The following KCNH8 variants were observed in gnomAD, a reference collection of about 807,000 sequenced individuals.
KCNH8 encodes the protein potassium voltage-gated channel subfamily H member 8, also known as voltage-gated delayed rectifier potassium channel KCNH8.
In KCNH8, 70 loss-of-function variants were observed where a neutral mutation model predicts 103.6. That is an observed-to-expected ratio of 0.68 (90% CI 0.56 to 0.82). KCNH8 has a LOEUF of 0.82. KCNH8 is among the 40% of genes least tolerant of loss of function. The pLI is 0.00. For missense variants in KCNH8, 1,217 were observed against 1,329.9 expected, an observed-to-expected ratio of 0.92 and a Z score of 1.32; for synonymous variants, 498 against 489.4, an observed-to-expected ratio of 1.02 and a Z score of -0.23.
chr3:19,372,526 GT>G, intron 5 of KCNH8, among the ~76,000 whole-genome samples: 2 of 152,198 alleles, frequency 1.3e-5, no homozygotes, highest in Middle Eastern at 6.8e-3. Context: ...AGACAATGGG[GT>G]TTTCTAGAAT....
At chr3:19,448,788 G>A (rs1461269592) in intron 8 of KCNH8, 1 of 234,480 alleles carries the variant, frequency 4.3e-6, no homozygotes, top group African/African-American at 2.3e-5. Context: ...TACTGAAACA[G>A]ATGATTTTAC....
At chr3:19,212,665 C>T (rs188342358) in intron 1 of KCNH8, among the ~76,000 whole-genome samples, 3 of 152,280 alleles carry the variant, frequency 2.0e-5, no homozygotes, top group South Asian at 2.1e-4. Context: ...TACAGAAGTA[C>T]AGCTGCACCA....
chr3:19,295,946 A>C (rs2064991994), intron 3 of KCNH8, among the ~76,000 whole-genome samples: 1 of 152,164 alleles, frequency 6.6e-6, no homozygotes, highest in South Asian at 2.1e-4. Context: ...CCCATGCTTC[A>C]GTAAAAATAA....
chr3:19,189,614 C>A (rs1049330025), intron 1 of KCNH8, among the ~76,000 whole-genome samples: 1 of 151,706 alleles, frequency 6.6e-6, no homozygotes, highest in African/African-American at 2.4e-5. Flanking sequence ...TATTTAGTAA[C>A]CAAAATTTAG....
chr3:19,484,502 T>C (rs2068162428), intron 11 of KCNH8, among the ~76,000 whole-genome samples: 1 of 152,224 alleles, frequency 6.6e-6, no homozygotes, highest in Non-Finnish European at 1.5e-5. Context: ...AGCTTCTGGA[T>C]GTGACTGGAG....
intron 8 of KCNH8, 23 bp downstream of exon 8, chr3:19,438,384 A>G (rs1336921468): frequency 8.9e-6 from 14 of 1,580,040 alleles, no homozygotes; most frequent in Non-Finnish European, 1.2e-5. Flanking sequence ...CTTCTTTTAT[A>G]CTAAGAAGAG....
chr3:19,498,310 G>C (rs745495286), intron 11 of KCNH8, among the ~76,000 whole-genome samples: 16 of 152,092 alleles, frequency 1.1e-4, no homozygotes, highest in East Asian at 1.9e-4. Flanking sequence ...AGATTTCTTT[G>C]TATGGCTGCT....
At chr3:19,498,020 T>A (rs1420723953) in intron 11 of KCNH8, among the ~76,000 whole-genome samples, 1 of 152,218 alleles carries the variant, frequency 6.6e-6, no homozygotes, top group Non-Finnish European at 1.5e-5. Context: ...TTGGTCTTTG[T>A]TGGTTTAAAG....
intron 1 of KCNH8, among the ~76,000 whole-genome samples, chr3:19,156,662 T>C (rs931371644): frequency 7.9e-5 from 12 of 152,186 alleles, no homozygotes; most frequent in African/African-American, 2.4e-4. Flanking sequence ...GAGATTTTTC[T>C]GTTTAGAATT....
chr3:19,193,726 A>G (rs1195860470), intron 1 of KCNH8, among the ~76,000 whole-genome samples: 1 of 151,734 alleles, frequency 6.6e-6, no homozygotes, highest in African/African-American at 2.4e-5. Flanking sequence ...TAAATTGGAG[A>G]TAACTATATT....
At chr3:19,184,021 G>T (rs1402900499) in intron 1 of KCNH8, among the ~76,000 whole-genome samples, 2 of 152,046 alleles carry the variant, frequency 1.3e-5, no homozygotes. Context: ...AGAGCAATTT[G>T]TCAAGTTACA....
intron 15 of KCNH8, among the ~76,000 whole-genome samples, chr3:19,527,654 CAGAAAT>C (rs1483405081): frequency 6.6e-6 from 1 of 152,072 alleles, no homozygotes; most frequent in Non-Finnish European, 1.5e-5. Context: ...CTGGATACAG[CAGAAAT>C]AGAAAAGCTG....
At chr3:19,496,104 C>A (rs2068435551) in intron 11 of KCNH8, among the ~76,000 whole-genome samples, 1 of 152,118 alleles carries the variant, frequency 6.6e-6, no homozygotes, top group Non-Finnish European at 1.5e-5. Context: ...TGGGCAGAGA[C>A]TATGGGGTTT....
intron 15 of KCNH8, among the ~76,000 whole-genome samples, chr3:19,519,838 T>A (rs1307950489): frequency 1.5e-4 from 23 of 152,040 alleles, no homozygotes; most frequent in Middle Eastern, 3.4e-3. Context: ...TTAATAATTT[T>A]AAAAACTGAC....
rs572574542 is a variant in KCNH8 at position 19,336,614 on chromosome 3, C to T, written c.443-5973C>T. Among the ~76,000 whole-genome samples, 5 of 151,906 alleles carry T rather than the reference C, an allele frequency of 3.3e-5. No homozygotes were observed. In the East Asian group the frequency reaches 7.7e-4, roughly 23 times the overall value. ...CTATAATTTTATTTATTTTTTGCCA[C>T]CACAGCTATCAATTTCTGAGACAGA... On this transcript the variant is annotated intron_variant, in intron 3 of 15. Transcript: ENST00000328405.
chr3:19,247,277 G>A (rs1290893687), intron 1 of KCNH8, among the ~76,000 whole-genome samples: 4 of 152,128 alleles, frequency 2.6e-5, no homozygotes, highest in African/African-American at 9.7e-5. Context: ...TTAGCTTGGA[G>A]CCAGTACTAT....
At chr3:19,419,811 G>GA (rs2066924228) in intron 7 of KCNH8, among the ~76,000 whole-genome samples, 1 of 151,890 alleles carries the variant, frequency 6.6e-6, no homozygotes, top group African/African-American at 2.4e-5. Flanking sequence ...AGAAGGTTCA[G>GA]TCAATTGAAG....
At chr3:19,429,585 T>A (rs1037594588) in intron 7 of KCNH8, among the ~76,000 whole-genome samples, 1 of 152,200 alleles carries the variant, frequency 6.6e-6, no homozygotes, top group Non-Finnish European at 1.5e-5. Context: ...TTCTTTTTTT[T>A]AACTTTTAAG....
intron 11 of KCNH8, among the ~76,000 whole-genome samples, chr3:19,502,504 A>C (rs947533151): frequency 6.6e-6 from 1 of 152,168 alleles, no homozygotes; most frequent in African/African-American, 2.4e-5. Flanking sequence ...GAGGCATCAC[A>C]CTACCTGACT....
Sources: allele counts gnomAD v4.1 joint callset (sites outside exome capture counted in the v4.1 genomes callset), GRCh38; gene constraint gnomAD v4.1.1; transcripts MANE v1.5; gene names NCBI Gene and HGNC (gene_info 2026-07-23, HGNC 2026-07-21).